The following CYTH1 variants were observed in gnomAD, a reference collection of about 807,000 sequenced individuals.
CYTH1 encodes cytohesin-1.
A neutral mutation model predicts 61.8 loss-of-function variants in CYTH1; 18 were observed. The observed-to-expected ratio is 0.29, with a 90% CI of 0.20 to 0.43. The LOEUF is 0.43. Among genes scored for constraint, CYTH1 ranks in the 20% least tolerant of loss-of-function variants. The pLI is 1.00. For missense variants in CYTH1, 336 were observed against 510.5 expected (o/e 0.66, Z 3.29); for synonymous variants, 174 against 184.3 (o/e 0.94, Z 0.45).
Position 78,700,190 on chromosome 17 carries a change from A to T in CYTH1, c.550+141T>A. 1 of 725,036 alleles carries T rather than the reference A, an allele frequency of 1.4e-6. No homozygotes were observed. The highest frequency in any genetic ancestry group is 2.2e-6 in the Non-Finnish European group (1 of 463,616). 44.9% of individuals were successfully genotyped at this position (725,036 alleles called of 1,614,324 possible). ...ATGTCAGACTTTCAGGTTATTTCCA[A>T]CATTTTACTATTATAACTATCATTG... On this transcript the variant is annotated intron_variant, in intron 7 of 13. Coordinates refer to ENST00000446868, the MANE Select transcript of CYTH1 (RefSeq NM_004762.6). The surrounding 1 kb of genome is among the most constrained non-coding windows in gnomAD (Gnocchi z 5.1).
chr17:78,766,481 A>G (rs1446733518), intron 1 of CYTH1, among the ~76,000 whole-genome samples: 1 of 152,212 alleles, frequency 6.6e-6, no homozygotes, highest in East Asian at 1.9e-4. Flanking sequence ...AGTTTACCAG[A>G]GTCCCTGGAA....
intron 1 of CYTH1, among the ~76,000 whole-genome samples, chr17:78,725,613 T>C (rs1235496682): frequency 1.3e-5 from 2 of 152,160 alleles, no homozygotes; most frequent in African/African-American, 4.8e-5. Context: ...GACTCAGTCA[T>C]CATGTGCAAG....
At chr17:78,734,658 TG>T (rs559460199) in intron 1 of CYTH1, among the ~76,000 whole-genome samples, 22 of 152,152 alleles carry the variant, frequency 1.4e-4, no homozygotes, top group Admixed American at 1.4e-3. Flanking sequence ...TAGGTTGGTC[TG>T]GAACTCCTGA....
At chr17:78,696,154 G>A (rs1253137652) in intron 9 of CYTH1, 145 bp from the exon 10 acceptor site, 2 of 1,214,324 alleles carry the variant, frequency 1.6e-6, no homozygotes, top group Non-Finnish European at 1.1e-6. Context: ...TGCCTGGGGA[G>A]AGAGCTGAAC....
chr17:78,782,072 GC>G, intron 1 of CYTH1, 129 bp downstream of exon 1: 1 of 819,232 alleles, frequency 1.2e-6, no homozygotes, highest in Non-Finnish European at 1.6e-6. Context: ...CCCGCCGGTC[GC>G]CCCGGGCTCC....
In CYTH1 at chr17:78,782,193, C is replaced by A. The variant is rs1326255701; in HGVS notation, c.22+9G>T. On this transcript the variant is annotated intron_variant, in intron 1 of 13. Transcript: ENST00000446868. Reference sequence around the variant, plus strand: ...GAGGGGGAAGCGTCCGCCGCCGGGGCGCACTGACCGTAGCTGTCGTCCTCC... The same window carrying A: ...GAGGGGGAAGCGTCCGCCGCCGGGGAGCACTGACCGTAGCTGTCGTCCTCC... 1 of 1,366,600 alleles carries A rather than the reference C, an allele frequency of 7.3e-7. No homozygotes were observed. Among genetic ancestry groups the A allele is most frequent in the Admixed American group, 2.7e-5 (1 of 37,498 alleles). 84.7% of individuals were successfully genotyped at this position (1,366,600 alleles called of 1,614,324 possible).
intron 11 of CYTH1, among the ~76,000 whole-genome samples, chr17:78,682,440 C>CG (rs1326596969): frequency 6.6e-6 from 1 of 152,158 alleles, no homozygotes; most frequent in Non-Finnish European, 1.5e-5. Context: ...CCTTGATACT[C>CG]GGTAAACTGC....
At chr17:78,772,409 C>T (rs2093474971) in intron 1 of CYTH1, among the ~76,000 whole-genome samples, 1 of 152,120 alleles carries the variant, frequency 6.6e-6, no homozygotes, top group African/African-American at 2.4e-5. Context: ...CCTAACTGAT[C>T]GTGAATGCAA....
At chr17:78,756,011 CA>C (rs1391876935) in intron 1 of CYTH1, among the ~76,000 whole-genome samples, 1 of 151,392 alleles carries the variant, frequency 6.6e-6, no homozygotes, top group African/African-American at 2.4e-5. Flanking sequence ...ATAGTGGTTT[CA>C]CTGGTGTACA....
intron 1 of CYTH1, among the ~76,000 whole-genome samples, chr17:78,767,430 C>T (rs1000954697): frequency 2.0e-5 from 3 of 152,196 alleles, no homozygotes; most frequent in Non-Finnish European, 4.4e-5. Context: ...AACCGCCCTA[C>T]ACTGTGAGCT....
intron 2 of CYTH1, 164 bp downstream of exon 2, chr17:78,709,486 A>T: frequency 1.6e-6 from 1 of 644,778 alleles, no homozygotes; most frequent in Non-Finnish European, 2.7e-6. Context: ...CCTCAGCTGT[A>T]GAGGAAAGGT....
At chr17:78,736,477 C>A (rs1019630380) in intron 1 of CYTH1, among the ~76,000 whole-genome samples, 4 of 152,004 alleles carry the variant, frequency 2.6e-5, no homozygotes, top group African/African-American at 9.7e-5. Flanking sequence ...CCCGAGAGAG[C>A]CTCAGCTTCC....
At chr17:78,724,671 G>A (rs915333895) in intron 1 of CYTH1, among the ~76,000 whole-genome samples, 14 of 152,296 alleles carry the variant, frequency 9.2e-5, no homozygotes, top group Admixed American at 3.9e-4. Context: ...CAATGGAAGA[G>A]GGGGTGGAAA....
At chr17:78,677,352 G>T (rs191937627) in intron 13 of CYTH1, 24 of 245,518 alleles carry the variant, frequency 9.8e-5, no homozygotes, top group South Asian at 5.6e-4. Flanking sequence ...CAGGCGATGA[G>T]GGGGGCTGGG....
In CYTH1 at chr17:78,717,433, G is replaced by A. The variant is rs901322087; in HGVS notation, c.23-7701C>T. On this transcript the variant is annotated intron_variant, in intron 1 of 13. Transcript: ENST00000446868. The surrounding 1 kb of genome is among the most constrained non-coding windows in gnomAD (Gnocchi z 4.4). ...AGGATTAAAGTGACAAAAACAACAAGGCGCTATTGTGCTTGGCTGTGAATA... is the reference window on the plus strand; with the variant it reads ...AGGATTAAAGTGACAAAAACAACAAAGCGCTATTGTGCTTGGCTGTGAATA... 2.0e-5 allele frequency among the ~76,000 whole-genome samples: 3 copies of A among 152,178 alleles called. No homozygotes were observed. Among genetic ancestry groups the A allele is most frequent in the African/African-American group, 7.2e-5 (3 of 41,432 alleles).
intron 1 of CYTH1, among the ~76,000 whole-genome samples, chr17:78,745,557 T>A (rs986439263): frequency 4.6e-5 from 7 of 152,120 alleles, no homozygotes; most frequent in Non-Finnish European, 2.9e-5. Context: ...GCTGGCTACA[T>A]GAAAAGATTG....
At chr17:78,738,638 AC>A (rs1454918180) in intron 1 of CYTH1, among the ~76,000 whole-genome samples, 4 of 151,800 alleles carry the variant, frequency 2.6e-5, no homozygotes, top group Non-Finnish European at 2.9e-5. Flanking sequence ...AAAAAAAAAA[AC>A]ACTTTGTTTT....
At chr17:78,769,819 C>G (rs2093463369) in intron 1 of CYTH1, among the ~76,000 whole-genome samples, 1 of 151,908 alleles carries the variant, frequency 6.6e-6, no homozygotes, top group South Asian at 2.1e-4. Flanking sequence ...GAGTTCTAAA[C>G]CAGCCTGGCC....
At chr17:78,715,547 A>T (rs995271561) in intron 1 of CYTH1, among the ~76,000 whole-genome samples, 8 of 152,214 alleles carry the variant, frequency 5.3e-5, no homozygotes, top group African/African-American at 1.9e-4. Flanking sequence ...GAATGAAATC[A>T]GACTCGAAAC....
Sources: gnomAD v4.1 joint callset for allele counts (sites outside exome capture counted in the v4.1 genomes callset) on GRCh38, gnomAD v4.1.1 for gene constraint, Gnocchi (gnomAD v3.1) non-coding constraint, MANE v1.5 for transcripts, NCBI Gene and HGNC (gene_info 2026-07-23, HGNC 2026-07-21) for gene names.